OTUD4: variants seen among roughly 807,000 people sequenced by gnomAD.
OTUD4 encodes the protein OTU domain-containing protein 4.
A neutral mutation model predicts 130.4 loss-of-function variants in OTUD4; 24 were observed. The ratio of observed to expected loss-of-function variants is 0.18; its 90% confidence interval spans 0.13 to 0.26. The LOEUF is 0.26. Among genes scored for constraint, OTUD4 ranks in the 10% least tolerant of loss-of-function variants. The probability of loss-of-function intolerance (pLI) is 1.00; values close to 1 mark genes in which losing one functional copy is unlikely to be tolerated. For missense variants in OTUD4, 1,031 were observed against 1,329.4 expected (o/e 0.78, Z 3.49); for synonymous variants, 420 against 472.5 (o/e 0.89, Z 1.44).
chr4:145,176,575 T>A (rs1561003038), intron 1 of OTUD4, among the ~76,000 whole-genome samples: 1 of 150,844 alleles, frequency 6.6e-6, no homozygotes, highest in Non-Finnish European at 1.5e-5. Flanking sequence ...GGTGCGTGCC[T>A]GTAGTCCCAG....
At chr4:145,141,742 T>C in intron 18 of OTUD4, 103 bp from the exon 19 acceptor site, 1 of 1,011,376 alleles carries the variant, frequency 9.9e-7, no homozygotes, top group Non-Finnish European at 1.4e-6. Context: ...ATAAAGCCAA[T>C]CTAAAGTAGT....
At chr4:145,156,838 GA>G (rs1751320060) in intron 7 of OTUD4, among the ~76,000 whole-genome samples, 1 of 152,156 alleles carries the variant, frequency 6.6e-6, no homozygotes, top group African/African-American at 2.4e-5. Context: ...GTACACAGCT[GA>G]CCCTTGAACA....
chr4:145,161,142 A>AACAACAAAC (rs368503319), intron 6 of OTUD4, among the ~76,000 whole-genome samples: 4 of 151,882 alleles, frequency 2.6e-5, no homozygotes, highest in East Asian at 1.9e-4. Flanking sequence ...CAACAACAAC[A>AACAACAAAC]AACACTGGGT....
At chr4:145,143,808 T>C (rs1183933206) in intron 16 of OTUD4, 138 bp downstream of exon 16, 1 of 659,166 alleles carries the variant, frequency 1.5e-6, no homozygotes, top group East Asian at 2.7e-5. Flanking sequence ...ATCCCCATCA[T>C]CTTTTCCCTG....
chr4:145,144,487 C>T, intron 14 of OTUD4, 53 bp from the exon 15 acceptor site: 1 of 1,548,934 alleles, frequency 6.5e-7, no homozygotes, highest in South Asian at 1.2e-5. Context: ...CCCACAGATA[C>T]ATGAACAAAT....
chr4:145,163,212 A>C (rs1315916570), intron 5 of OTUD4, among the ~76,000 whole-genome samples: 2 of 152,186 alleles, frequency 1.3e-5, no homozygotes, highest in East Asian at 3.8e-4. Flanking sequence ...GATCCCTTAG[A>C]AAGTCCCAGA....
chr4:145,137,313 G>A lies in OTUD4; in HGVS notation c.*117C>T, dbSNP rs1750324172. The A allele has an allele frequency of 4.9e-6, 4 of 817,224 alleles. No homozygotes were observed. In the African/African-American group the frequency reaches 5.1e-5, roughly 10 times the overall value. The allele number at this position is 817,224 out of a possible 1,614,324, so 50.6% of individuals were successfully genotyped here. ...GTCCAGTATGGGAGTGAAGGTAAGG[G>A]GGGCTGGGGAGAGGAAAGAGTTCCA... On this transcript the variant is annotated 3_prime_UTR_variant, in exon 21 of 21. Transcript: ENST00000447906.
intron 10 of OTUD4, 57 bp from the exon 11 acceptor site, chr4:145,152,692 GC>G (rs1401620673): frequency 3.2e-6 from 3 of 933,666 alleles, no homozygotes; most frequent in Non-Finnish European, 1.7e-6. Context: ...TGCTTCCTTT[GC>G]ATTACTTATC....
At chr4:145,146,174 A>G in intron 14 of OTUD4, 93 bp downstream of exon 14, 1 of 739,316 alleles carries the variant, frequency 1.4e-6, no homozygotes. Flanking sequence ...TTTAAAAATT[A>G]TTAGTTTACC....
rs113829733 is a variant in OTUD4 at position 145,141,575 on chromosome 4, A to C, written c.1887T>G (p.Ala629=). ...TQTLTTGPDS[A]VSQAHLTPSP... Reference sequence around the variant, plus strand: ...AGGGTGTTAAATGAGCTTGGGATACAGCTGAATCAGGTCCAGTGGTCAAAG... The same window carrying C: ...AGGGTGTTAAATGAGCTTGGGATACCGCTGAATCAGGTCCAGTGGTCAAAG... The change falls in exon 19 of 21, where the codon GCT becomes GCG. Residue 629 remains alanine (A), a synonymous_variant. Transcript: ENST00000447906. 1.2e-6 allele frequency: 2 copies of C among 1,602,150 alleles called. No individual in the cohort carries two copies. Among genetic ancestry groups the C allele is most frequent in the Middle Eastern group, 1.7e-4 (1 of 6,004 alleles).
chr4:145,144,211 A>T, intron 15 of OTUD4, 100 bp downstream of exon 15: 1 of 1,300,842 alleles, frequency 7.7e-7, no homozygotes. Flanking sequence ...TAGATAAACT[A>T]CTTAACAACT....
At chr4:145,146,030 G>C (rs922376269) in intron 14 of OTUD4, 6 of 306,580 alleles carry the variant, frequency 2.0e-5, no homozygotes, top group East Asian at 1.1e-4. Context: ...CACTACAAGT[G>C]AACAAACCAG....
Position 145,137,931 on chromosome 4 carries a change from C to G in OTUD4, c.2844G>C (p.Thr948=), listed in dbSNP as rs750661173. The change falls in exon 21 of 21, where the codon ACG becomes ACC. Residue 948 remains threonine, a synonymous_variant. Coordinates refer to ENST00000447906, the MANE Select transcript of OTUD4 (RefSeq NM_001366057.1). ...CTACAGGAGGGATGGAAGCCAATGC[C>G]GTATCTGCCTTTCGTGTCTGGGAAG... ...EQSSQTRKAD[T]ALASIPPVAE... is the part of the protein sequence containing the mutation. 1 of 1,614,098 alleles carries G rather than the reference C, an allele frequency of 6.2e-7. No homozygotes were observed. Among genetic ancestry groups the G allele is most frequent in the Admixed American group, 1.7e-5 (1 of 60,020 alleles).
At chr4:145,172,386 T>C (rs570933209) in intron 2 of OTUD4, among the ~76,000 whole-genome samples, 2 of 152,376 alleles carry the variant, frequency 1.3e-5, no homozygotes, top group Admixed American at 1.3e-4. Context: ...GAAAGAGCGA[T>C]GAGAACTAGT....
At chr4:145,138,759 A>G (rs1186057014) in intron 20 of OTUD4, 109 bp from the exon 21 acceptor site, 2 of 852,422 alleles carry the variant, frequency 2.3e-6, no homozygotes, top group African/African-American at 3.4e-5. Context: ...CATGCCTACA[A>G]AGACCATATA....
At chr4:145,171,535 C>T (rs540077099) in intron 3 of OTUD4, 135 bp downstream of exon 3, 30 of 537,472 alleles carry the variant, frequency 5.6e-5, no homozygotes, top group Non-Finnish European at 8.3e-5. Context: ...GTGTAGGAAA[C>T]GTTTATAAGG....
At position 145,151,085 on chromosome 4, in the gene OTUD4, AT is replaced by A. The variant is rs543484272; in HGVS notation, c.969-181del. 5.0e-3 allele frequency among the ~76,000 whole-genome samples: 768 copies of A among 152,338 alleles called. 3 individuals are homozygous for A. Among genetic ancestry groups the A allele is most frequent in the South Asian group, 0.016 (78 of 4,826 alleles). ...CCAGATGTAATTCTAATAAAAAAAA[AT>A]GATATAAATCAAAAGCATATTTTCT... On this transcript the variant is annotated intron_variant, in intron 11 of 20. Coordinates refer to ENST00000447906, the MANE Select transcript of OTUD4 (RefSeq NM_001366057.1).
chr4:145,137,735 T>C lies in OTUD4; in HGVS notation c.3040A>G (p.Ser1014Gly), dbSNP rs1750349653. The C allele has an allele frequency of 3.7e-6, 6 of 1,614,130 alleles. No individual in the cohort carries two copies. The highest frequency in any genetic ancestry group is 5.1e-6 in the Non-Finnish European group (6 of 1,180,006). The change falls in exon 21 of 21, where the codon AGC becomes GGC. Residue 1014 changes from serine (S) to glycine (G), a missense_variant. Ser to Gly is a moderately conservative substitution (Grantham distance 56). Coordinates refer to ENST00000447906, the MANE Select transcript of OTUD4 (RefSeq NM_001366057.1). ...VVSPGANSVD[S>G]RVQRPKEESS... ...TCTTCTTTTGGTCTTTGCACTCTGCTATCAACAGAGTTGGCCCCAGGGCTG... is the reference window on the plus strand; with the variant it reads ...TCTTCTTTTGGTCTTTGCACTCTGCCATCAACAGAGTTGGCCCCAGGGCTG...
At chr4:145,173,295 G>A (rs1450932604) in intron 2 of OTUD4, among the ~76,000 whole-genome samples, 1 of 152,108 alleles carries the variant, frequency 6.6e-6, no homozygotes, top group Middle Eastern at 3.2e-3. Context: ...ACTGGAGGCT[G>A]AGGCAGGAGA....
Sources: gnomAD v4.1 joint callset for allele counts (sites outside exome capture counted in the v4.1 genomes callset) on GRCh38, gnomAD v4.1.1 for gene constraint, MANE v1.5 for transcripts, NCBI Gene and HGNC (gene_info 2026-07-23, HGNC 2026-07-21) for gene names.